HSPA4: variants seen among roughly 807,000 people sequenced by gnomAD.
HSPA4 encodes heat shock protein family A (Hsp70) member 4, also known as heat shock 70 kDa protein 4.
A neutral mutation model predicts 106.2 loss-of-function variants in HSPA4; 25 were observed. The observed-to-expected ratio is 0.24, with a 90% CI of 0.17 to 0.33. The LOEUF (loss-of-function observed/expected upper bound fraction) is 0.33, where lower values mean the gene tolerates loss of function less well. Ranked by LOEUF, HSPA4 falls within the 10% of genes least tolerant of loss-of-function variation. HSPA4 has a pLI of 1.00. For missense variants in HSPA4, 841 were observed against 996.0 expected (o/e 0.84, Z 2.10); for synonymous variants, 332 against 333.6 (o/e 1.00, Z 0.05).
At chr5:133,101,958 G>C in intron 17 of HSPA4, 80 bp downstream of exon 17, 5 of 1,020,038 alleles carry the variant, frequency 4.9e-6, no homozygotes, top group Non-Finnish European at 6.6e-6. Flanking sequence ...ACGGAGTCTT[G>C]CTCTGTTGCC....
intron 4 of HSPA4, 37 bp from the exon 5 acceptor site, chr5:133,073,193 T>A: frequency 2.3e-6 from 3 of 1,284,816 alleles, no homozygotes; most frequent in Non-Finnish European, 1.1e-6. Context: ...AAAATTAGAA[T>A]CTATAATACA....
At chr5:133,099,796 C>CATT (rs1421096472) in intron 16 of HSPA4, 144 bp downstream of exon 16, 6 of 434,480 alleles carry the variant, frequency 1.4e-5, no homozygotes, top group African/African-American at 3.9e-5. Context: ...GACTTAGGCT[C>CATT]ATTATCATTC....
intron 16 of HSPA4, among the ~76,000 whole-genome samples, chr5:133,101,227 T>C (rs928052793): frequency 2.6e-5 from 4 of 152,220 alleles, no homozygotes; most frequent in African/African-American, 7.2e-5. Flanking sequence ...CGCTTATAAC[T>C]GTGTCTATAG....
chr5:133,102,913 CTTT>C (rs533273263), intron 17 of HSPA4, among the ~76,000 whole-genome samples: 1 of 103,330 alleles, frequency 9.7e-6, no homozygotes. Context: ...CTAGGGTTGT[CTTT>C]TTTTTTTTTT....
chr5:133,068,216 CAGAT>C (rs1765336308), intron 3 of HSPA4, among the ~76,000 whole-genome samples: 1 of 151,996 alleles, frequency 6.6e-6, no homozygotes, highest in African/African-American at 2.4e-5. Context: ...AAGTCACTAG[CAGAT>C]AGATGGACAT....
At chr5:133,090,262 T>TA (rs1019867073) in intron 11 of HSPA4, among the ~76,000 whole-genome samples, 31 of 151,070 alleles carry the variant, frequency 2.1e-4, no homozygotes, top group Admixed American at 5.9e-4. Context: ...CCGTCTCTAC[T>TA]AAAAAAATAC....
rs1398925142 is a variant in HSPA4, at chr5:133,105,159, A to G, written c.*723A>G. ...TCAAGGTCTAAATAATTTTCAGAAG[A>G]TTAGAATTGGGTAGATATACTGTTG... On this transcript the variant is annotated 3_prime_UTR_variant, in exon 19 of 19. Coordinates refer to ENST00000304858, the MANE Select transcript of HSPA4 (RefSeq NM_002154.4). 6.6e-6 allele frequency: 1 copy of G among 152,200 alleles called. No homozygotes were observed. Among genetic ancestry groups the G allele is most frequent in the East Asian group, 1.9e-4 (1 of 5,200 alleles). 9.4% of individuals were successfully genotyped at this position (152,200 alleles called of 1,614,324 possible). A position where few individuals can be genotyped will look rare whatever the true frequency, so the allele number is the denominator to read the frequency against.
Position 133,089,643 on chromosome 5 carries a change from T to C in HSPA4, c.1326T>C (p.Leu442=), listed in dbSNP as rs1482061510. Residue 442 remains leucine, a synonymous_variant, in exon 11 of 19, where the codon CTT becomes CTC. Coordinates refer to ENST00000304858, the MANE Select transcript of HSPA4 (RefSeq NM_002154.4). Reference sequence around the variant, plus strand: ...TTTATAGAAAGGAACCTTTCACTCTTGAGGCCTACTACAGCTCTCCTCAGG... The same window carrying C: ...TTTATAGAAAGGAACCTTTCACTCTCGAGGCCTACTACAGCTCTCCTCAGG... The part of the protein sequence containing the change: ...LTFYRKEPFT[L]EAYYSSPQDL... The C allele has an allele frequency of 2.5e-6, 4 of 1,611,954 alleles. No individual in the cohort carries two copies. In the Admixed American group the frequency reaches 6.7e-5, roughly 27 times the overall value.
chr5:133,099,341 C>CA (rs1765756915), intron 15 of HSPA4, among the ~76,000 whole-genome samples: 1 of 151,812 alleles, frequency 6.6e-6, no homozygotes, highest in South Asian at 2.1e-4. Context: ...CCATGTTGGC[C>CA]AGGCTGTTCT....
chr5:133,083,917 T>TA (rs201346816), intron 7 of HSPA4, among the ~76,000 whole-genome samples: 2,263 of 152,324 alleles, frequency 0.015, 27 homozygotes, highest in Middle Eastern at 0.037. Context: ...CGGACATCTA[T>TA]AAATGTAGAC....
intron 1 of HSPA4, among the ~76,000 whole-genome samples, chr5:133,056,407 A>G (rs1023943325): frequency 6.6e-6 from 1 of 152,100 alleles, no homozygotes; most frequent in Non-Finnish European, 1.5e-5. Flanking sequence ...GCTGGAGTGC[A>G]TTGTTGCGGT....
chr5:133,092,310 T>C (rs1444073862), intron 12 of HSPA4, among the ~76,000 whole-genome samples: 2 of 152,206 alleles, frequency 1.3e-5, no homozygotes, highest in Admixed American at 1.3e-4. Flanking sequence ...AGGAACTATT[T>C]GAAAAAGTTG....
intron 2 of HSPA4, 41 bp from the exon 3 acceptor site, chr5:133,067,376 T>A (rs1320637271): frequency 5.5e-6 from 8 of 1,463,356 alleles, no homozygotes; most frequent in African/African-American, 1.4e-5. Context: ...AAAAAAAAAA[T>A]TAGTAGTAGT....
At chr5:133,060,278 G>T (rs1422861186) in intron 1 of HSPA4, among the ~76,000 whole-genome samples, 2 of 151,878 alleles carry the variant, frequency 1.3e-5, no homozygotes, top group African/African-American at 4.8e-5. Context: ...TAATATTCAA[G>T]TTAATCTTTT....
At chr5:133,059,116 A>G (rs1039221392) in intron 1 of HSPA4, among the ~76,000 whole-genome samples, 2 of 149,498 alleles carry the variant, frequency 1.3e-5, no homozygotes, top group African/African-American at 5.0e-5. Context: ...TGACAGAGTG[A>G]GACTCCGTCT....
chr5:133,101,987 T>A, intron 17 of HSPA4, 109 bp downstream of exon 17: 1 of 755,844 alleles, frequency 1.3e-6, no homozygotes, highest in Non-Finnish European at 2.0e-6. Context: ...AGTACAGTGG[T>A]ACAATCTCGG....
In HSPA4 at chr5:133,089,626, A is replaced by G. The variant is rs1039529132; in HGVS notation, c.1309A>G (p.Lys437Glu). 2 of 1,612,984 alleles carry G rather than the reference A, an allele frequency of 1.2e-6. No homozygotes were observed. The highest frequency in any genetic ancestry group is 3.3e-5 in the Admixed American group (2 of 60,010). ...PFSKVLTFYR[K>E]EPFTLEAYYS... ...CTCTAAAGTTCTTACATTTTATAGA[A>G]AGGAACCTTTCACTCTTGAGGCCTA... The change falls in exon 11 of 19, where the codon AAG becomes GAG. Residue 437 changes from lysine (K) to glutamate (E), a missense_variant. Coordinates refer to ENST00000304858, the MANE Select transcript of HSPA4 (RefSeq NM_002154.4).
intron 1 of HSPA4, among the ~76,000 whole-genome samples, chr5:133,055,274 T>C (rs1431261185): frequency 6.6e-6 from 1 of 150,828 alleles, no homozygotes; most frequent in African/African-American, 2.4e-5. Context: ...TTTGGAGTCT[T>C]GGGCTAAATA....
chr5:133,089,065 T>TA lies in HSPA4; in HGVS notation c.1149dup (p.Ser384IlefsTer13). On this transcript the variant is annotated frameshift_variant, in exon 10 of 19. Transcript: ENST00000304858. LOFTEE classifies it high-confidence loss of function. ...AAATTATTATTCTAGTGTGCCATCTTATCGCCTGCTTTCAAAGTCAGAGAA... is the reference window on the plus strand; with the variant it reads ...AAATTATTATTCTAGTGTGCCATCTTAATCGCCTGCTTTCAAAGTCAGAGAA... The TA allele has an allele frequency of 6.3e-7, 1 of 1,592,688 alleles. No individual in the cohort carries two copies. Among genetic ancestry groups the TA allele is most frequent in the Non-Finnish European group, 8.6e-7 (1 of 1,166,692 alleles).
Sources: gnomAD v4.1 joint callset for allele counts (sites outside exome capture counted in the v4.1 genomes callset) on GRCh38, gnomAD v4.1.1 for gene constraint, MANE v1.5 for transcripts, NCBI Gene and HGNC (gene_info 2026-07-23, HGNC 2026-07-21) for gene names.